The following VTI1A variants were observed in gnomAD, a reference collection of about 807,000 sequenced individuals.
The protein encoded by VTI1A is vesicle transport through interaction with t-SNAREs homolog 1A.
Under a neutral mutation model 34.9 loss-of-function variants are expected in VTI1A, and 22 were observed. That is an observed-to-expected ratio of 0.63 (90% CI 0.45 to 0.90). VTI1A has a LOEUF of 0.90. Among genes scored for constraint, VTI1A ranks in the 40% least tolerant of loss-of-function variants. VTI1A has a pLI of 0.00. For missense variants in VTI1A, 268 were observed against 275.6 expected (o/e 0.97, Z 0.20); for synonymous variants, 87 against 97.3 (o/e 0.89, Z 0.62).
At chr10:112,844,095 TG>T in the VTI1A span, among the ~76,000 whole-genome samples, 2 of 151,914 alleles carry the variant, frequency 1.3e-5, no homozygotes, top group Admixed American at 6.5e-5. Context: ...AGATGTCATC[TG>T]AAAAAAAAGG....
chr10:112,811,711 AAG>A (rs1853317697), intron 7 of VTI1A, among the ~76,000 whole-genome samples: 1 of 117,406 alleles, frequency 8.5e-6, no homozygotes, highest in Non-Finnish European at 1.7e-5. Context: ...AAAAAAAAAA[AAG>A]AGTGCAGTCC....
intron 3 of VTI1A, among the ~76,000 whole-genome samples, chr10:112,472,329 C>T (rs1433735555): frequency 1.3e-5 from 2 of 152,168 alleles, no homozygotes; most frequent in Admixed American, 1.3e-4. Flanking sequence ...AATGGCACTT[C>T]TATTGACAGT....
At chr10:112,590,305 T>TATAG (rs143796703) in intron 5 of VTI1A, among the ~76,000 whole-genome samples, 3,182 of 152,238 alleles carry the variant, frequency 0.021, 124 homozygotes, top group African/African-American at 0.073. Context: ...TGGATGAATG[T>TATAG]ATAGATAGAT....
chr10:112,813,390 TAAG>T (rs1278336890), intron 7 of VTI1A, among the ~76,000 whole-genome samples: 15 of 152,220 alleles, frequency 9.9e-5, no homozygotes, highest in Non-Finnish European at 1.8e-4. Context: ...GTAGATTACT[TAAG>T]GCAGAATTTT....
intron 3 of VTI1A, among the ~76,000 whole-genome samples, chr10:112,516,715 G>A (rs1849795575): frequency 6.6e-6 from 1 of 152,082 alleles, no homozygotes; most frequent in Non-Finnish European, 1.5e-5. Flanking sequence ...ATAGAGCCAA[G>A]GGCCCCAGTT....
intron 5 of VTI1A, among the ~76,000 whole-genome samples, chr10:112,552,391 T>A (rs779497434): frequency 5.9e-5 from 9 of 152,202 alleles, no homozygotes; most frequent in Non-Finnish European, 1.0e-4. Flanking sequence ...CAATACTCTG[T>A]GCAGATCTGT....
chr10:112,500,814 A>G (rs1439536299), intron 3 of VTI1A, among the ~76,000 whole-genome samples: 2 of 151,992 alleles, frequency 1.3e-5, no homozygotes, highest in African/African-American at 4.8e-5. Flanking sequence ...CTAAAGCTCC[A>G]CCGTTTAGAG....
chr10:112,572,154 A>C (rs1048857663), intron 5 of VTI1A, among the ~76,000 whole-genome samples: 1 of 152,190 alleles, frequency 6.6e-6, no homozygotes, highest in Non-Finnish European at 1.5e-5. Context: ...AAAAAGAAAG[A>C]TAGTGGTTGA....
rs371780417 is a variant in VTI1A at position 112,576,281 on chromosome 10, A to G, written c.427+37951A>G. 5.4e-5 allele frequency among the ~76,000 whole-genome samples: 8 copies of G among 148,384 alleles called. No homozygotes were observed. In the South Asian group the frequency reaches 1.1e-3, roughly 20 times the overall value. ...GTGATCCGCCCCGCTCGGCCTCCCAAAGTGCTGGGATTACAGGCGTGAGCC... is the reference window on the plus strand; with the variant it reads ...GTGATCCGCCCCGCTCGGCCTCCCAGAGTGCTGGGATTACAGGCGTGAGCC... On this transcript the variant is annotated intron_variant, in intron 5 of 7. Transcript: ENST00000393077.
chr10:112,779,237 T>C (rs1852042513), intron 7 of VTI1A, among the ~76,000 whole-genome samples: 1 of 152,200 alleles, frequency 6.6e-6, no homozygotes, highest in African/African-American at 2.4e-5. Flanking sequence ...CAGAATCAAC[T>C]TGGATGGAAT....
intron 7 of VTI1A, chr10:112,672,676 C>T (rs1847893076): frequency 6.6e-6 from 1 of 152,078 alleles, no homozygotes; most frequent in South Asian, 2.1e-4. Flanking sequence ...TTAAATGTCT[C>T]TCTTCATATG....
chr10:112,631,227 A>G (rs1846119456), intron 5 of VTI1A, among the ~76,000 whole-genome samples: 1 of 152,222 alleles, frequency 6.6e-6, no homozygotes, highest in African/African-American at 2.4e-5. Context: ...AGTAAAGAAT[A>G]TTAATTTTTA....
intron 7 of VTI1A, among the ~76,000 whole-genome samples, chr10:112,795,381 T>C (rs36108730): frequency 0.21 from 32,114 of 151,382 alleles, 3,861 homozygotes; most frequent in East Asian, 0.27. Flanking sequence ...AAAAAATTTT[T>C]AAATAATTTT....
At chr10:112,613,473 C>G (rs1845398241) in intron 5 of VTI1A, among the ~76,000 whole-genome samples, 1 of 152,112 alleles carries the variant, frequency 6.6e-6, no homozygotes, top group Admixed American at 6.5e-5. Flanking sequence ...ATTTCTTATG[C>G]CTTTCACCTT....
intron 5 of VTI1A, among the ~76,000 whole-genome samples, chr10:112,624,383 GT>G (rs1172017002): frequency 6.6e-6 from 1 of 152,162 alleles, no homozygotes. Context: ...GTATTTGCTA[GT>G]GGTTCCTATT....
intron 5 of VTI1A, among the ~76,000 whole-genome samples, chr10:112,585,072 T>G (rs1844091968): frequency 1.3e-5 from 2 of 152,158 alleles, no homozygotes; most frequent in African/African-American, 2.4e-5. Flanking sequence ...CTTCTTTAAT[T>G]GAGGGTGGAT....
At chr10:112,663,627 A>G (rs890259298) in intron 5 of VTI1A, among the ~76,000 whole-genome samples, 2 of 152,200 alleles carry the variant, frequency 1.3e-5, no homozygotes, top group African/African-American at 4.8e-5. Flanking sequence ...AGTAACATCA[A>G]TACAGAGGAT....
chr10:112,587,375 G>A (rs1382280942), intron 5 of VTI1A, among the ~76,000 whole-genome samples: 1 of 151,982 alleles, frequency 6.6e-6, no homozygotes, highest in East Asian at 1.9e-4. Flanking sequence ...TTATAACATA[G>A]GAGAAGGAAA....
intron 5 of VTI1A, among the ~76,000 whole-genome samples, chr10:112,555,865 T>C (rs1426527545): frequency 6.6e-6 from 1 of 152,060 alleles, no homozygotes; most frequent in East Asian, 1.9e-4. Context: ...TGGTCATTTA[T>C]CAGTGCTCCA....
Sources: allele counts gnomAD v4.1 joint callset (sites outside exome capture counted in the v4.1 genomes callset), GRCh38; gene constraint gnomAD v4.1.1; transcripts MANE v1.5; gene names NCBI Gene and HGNC (gene_info 2026-07-23, HGNC 2026-07-21).